The following PTPRK variants were observed in gnomAD, a reference collection of about 807,000 sequenced individuals.
PTPRK encodes protein tyrosine phosphatase receptor type K.
A neutral mutation model predicts 178.0 loss-of-function variants in PTPRK; 75 were observed. The observed-to-expected ratio is 0.42, with a 90% CI of 0.35 to 0.51. The LOEUF is 0.51. PTPRK is among the 20% of genes least tolerant of loss of function. PTPRK has a pLI of 0.02. For synonymous variants in PTPRK, 637 were observed against 620.6 expected (o/e 1.03, Z -0.39); for missense variants, 1,441 against 1,797.8 (o/e 0.80, Z 3.59).
intron 2 of PTPRK, among the ~76,000 whole-genome samples, chr6:128,380,948 A>G (rs1837821550): frequency 6.6e-6 from 1 of 152,218 alleles, no homozygotes; most frequent in Non-Finnish European, 1.5e-5. Flanking sequence ...GTGCAACAGA[A>G]TATCCAGATT....
intron 1 of PTPRK, among the ~76,000 whole-genome samples, chr6:128,475,472 G>A (rs890635220): frequency 6.6e-6 from 1 of 151,928 alleles, no homozygotes; most frequent in Non-Finnish European, 1.5e-5. Context: ...CTACTGCCAC[G>A]GTCTAGGAAT....
chr6:128,329,412 ATAT>A (rs1829991843), intron 2 of PTPRK, among the ~76,000 whole-genome samples: 1 of 109,762 alleles, frequency 9.1e-6, no homozygotes, highest in African/African-American at 3.7e-5. Flanking sequence ...CACACACACA[ATAT>A]TACAAGGAAT....
chr6:128,449,367 A>G (rs1484620483), intron 1 of PTPRK, among the ~76,000 whole-genome samples: 1 of 152,182 alleles, frequency 6.6e-6, no homozygotes, highest in Non-Finnish European at 1.5e-5. Context: ...CTCATGTATT[A>G]TTTTATGAGA....
intron 13 of PTPRK, among the ~76,000 whole-genome samples, chr6:128,028,213 A>T (rs979015622): frequency 6.6e-6 from 1 of 152,212 alleles, no homozygotes; most frequent in African/African-American, 2.4e-5. Context: ...AACTACAAAT[A>T]ATTACAAGTC....
chr6:128,128,938 T>G (rs1239354742), intron 7 of PTPRK, among the ~76,000 whole-genome samples: 1 of 152,220 alleles, frequency 6.6e-6, no homozygotes, highest in Admixed American at 6.5e-5. Context: ...TTCAATGTAC[T>G]GCAACAAGAA....
At chr6:128,234,758 T>A (rs571980071) in intron 5 of PTPRK, among the ~76,000 whole-genome samples, 1 of 152,224 alleles carries the variant, frequency 6.6e-6, no homozygotes, top group Non-Finnish European at 1.5e-5. Context: ...TAATTATCAG[T>A]TATTATGAAT....
At chr6:127,994,787 A>G (rs1015811393) in intron 18 of PTPRK, among the ~76,000 whole-genome samples, 3 of 151,942 alleles carry the variant, frequency 2.0e-5, no homozygotes, top group African/African-American at 7.2e-5. Flanking sequence ...TACAATTGAA[A>G]TTTAGTAATT....
At chr6:128,120,801 T>C (rs1044440352) in intron 7 of PTPRK, among the ~76,000 whole-genome samples, 3 of 151,894 alleles carry the variant, frequency 2.0e-5, no homozygotes, top group African/African-American at 7.2e-5. Flanking sequence ...ATAGGGAATA[T>C]AACGCTAAAG....
chr6:127,973,891 G>A (rs1485563064), intron 27 of PTPRK, 64 bp from the exon 28 acceptor site: 2 of 1,476,276 alleles, frequency 1.4e-6, no homozygotes, highest in African/African-American at 1.4e-5. Flanking sequence ...AAAGTAAAAG[G>A]TGCATATAAT....
intron 3 of PTPRK, among the ~76,000 whole-genome samples, chr6:128,264,114 G>C (rs1818592793): frequency 6.6e-6 from 1 of 152,152 alleles, no homozygotes; most frequent in South Asian, 2.1e-4. Flanking sequence ...AGAAAAGCCA[G>C]AGGAAGATGG....
At chr6:128,343,187 T>C (rs1377365162) in intron 2 of PTPRK, among the ~76,000 whole-genome samples, 1 of 152,120 alleles carries the variant, frequency 6.6e-6, no homozygotes, top group African/African-American at 2.4e-5. Context: ...AGACAGATGA[T>C]ATATATATGT....
chr6:128,294,113 C>T (rs1191461890), intron 3 of PTPRK, among the ~76,000 whole-genome samples: 1 of 152,006 alleles, frequency 6.6e-6, no homozygotes, highest in Non-Finnish European at 1.5e-5. Context: ...ATGTTTGATA[C>T]ATTAGTAAAC....
intron 3 of PTPRK, among the ~76,000 whole-genome samples, chr6:128,315,876 C>T (rs1827929993): frequency 6.6e-6 from 1 of 152,120 alleles, no homozygotes; most frequent in South Asian, 2.1e-4. Flanking sequence ...ATATTATATA[C>T]ACACTGAAGT....
intron 7 of PTPRK, among the ~76,000 whole-genome samples, chr6:128,090,288 G>A (rs1257920162): frequency 6.6e-6 from 1 of 152,174 alleles, no homozygotes; most frequent in Admixed American, 6.5e-5. Context: ...AGTTGTTGCT[G>A]TTGTTACTGC....
Position 128,460,130 on chromosome 6 carries a change from T to C in PTPRK, c.100+60129A>G, listed in dbSNP as rs544895398. On this transcript the variant is annotated intron_variant, in intron 1 of 29. Coordinates refer to ENST00000368226, the MANE Select transcript of PTPRK (RefSeq NM_002844.4). ...CCCACCTCCAGCACTGGGGATTACATTTGAACATGAGATTTGGGTGGGGAC... is the reference window on the plus strand; with the variant it reads ...CCCACCTCCAGCACTGGGGATTACACTTGAACATGAGATTTGGGTGGGGAC... Among the ~76,000 whole-genome samples the C allele has an allele frequency of 8.5e-5, 13 of 152,296 alleles. No homozygotes were observed. In the East Asian group the frequency reaches 2.5e-3, roughly 29 times the overall value.
chr6:128,479,552 T>A (rs1041962018), intron 1 of PTPRK, among the ~76,000 whole-genome samples: 1 of 152,124 alleles, frequency 6.6e-6, no homozygotes, highest in African/African-American at 2.4e-5. Flanking sequence ...AGGGGGTACA[T>A]TTTTAATTGC....
At position 128,129,984 on chromosome 6, in the gene PTPRK, C is replaced by A. The variant is rs564579048; in HGVS notation, c.1163-39992G>T. On this transcript the variant is annotated intron_variant, in intron 7 of 29. Transcript: ENST00000368226. The stretch of plus-strand genomic sequence containing the variant: ...GTCATCAGATAATGTCACATTCAGA[C>A]AATCATCTTGCCAGTTCTGAATGTA... Among the ~76,000 whole-genome samples the A allele has an allele frequency of 2.6e-5, 4 of 152,242 alleles. No individual in the cohort carries two copies. The East Asian group carries it at 5.8e-4, about 22-fold the overall frequency.
intron 21 of PTPRK, 94 bp from the exon 22 acceptor site, chr6:127,985,969 A>G (rs946221357): frequency 2.3e-5 from 28 of 1,236,544 alleles, no homozygotes; most frequent in Non-Finnish European, 2.9e-5. Context: ...CCAACTGACA[A>G]TGATAACAAT....
intron 3 of PTPRK, among the ~76,000 whole-genome samples, chr6:128,299,825 G>C (rs900804767): frequency 3.3e-5 from 5 of 152,124 alleles, no homozygotes; most frequent in Non-Finnish European, 5.9e-5. Context: ...AGGACTTCAT[G>C]TCTAAAACAC....
Sources: gnomAD v4.1 joint callset for allele counts (sites outside exome capture counted in the v4.1 genomes callset) on GRCh38, gnomAD v4.1.1 for gene constraint, MANE v1.5 for transcripts, NCBI Gene and HGNC (gene_info 2026-07-23, HGNC 2026-07-21) for gene names.